The following NREP variants were observed in gnomAD, a reference collection of about 807,000 sequenced individuals.
NREP encodes the protein neuronal regeneration-related protein.
In NREP, 5 loss-of-function variants were observed where a neutral mutation model predicts 8.6. The ratio of observed to expected loss-of-function variants is 0.58; its 90% confidence interval spans 0.30 to 1.22. NREP has a LOEUF of 1.22. Among genes scored for constraint, NREP ranks in the 50% most tolerant of loss-of-function variants. The probability of loss-of-function intolerance (pLI) is 0.07; values close to 1 mark genes in which losing one functional copy is unlikely to be tolerated. For missense variants in NREP, 86 were observed against 82.5 expected, an observed-to-expected ratio of 1.04 and a Z score of -0.17; for synonymous variants, 27 against 28.0, an observed-to-expected ratio of 0.96 and a Z score of 0.11.
At chr5:111,918,764 G>T (rs769743128) in intron 2 of NREP, among the ~76,000 whole-genome samples, 9 of 152,262 alleles carry the variant, frequency 5.9e-5, no homozygotes, top group Non-Finnish European at 1.3e-4. Flanking sequence ...AGCCCTAGAA[G>T]AAAACCTACG....
At chr5:111,865,841 A>G (rs1298922030) in intron 2 of NREP, among the ~76,000 whole-genome samples, 1 of 152,172 alleles carries the variant, frequency 6.6e-6, no homozygotes. Context: ...CCCCAGACTT[A>G]CTTCCAAGTC....
chr5:111,762,120 G>C (rs894779026), upstream of NREP, among the ~76,000 whole-genome samples: 8 of 152,104 alleles, frequency 5.3e-5, no homozygotes, highest in African/African-American at 1.9e-4. Flanking sequence ...AAGAGGGAAG[G>C]AGTCAAGTTG....
intron 2 of NREP, among the ~76,000 whole-genome samples, chr5:111,742,547 TAAG>T (rs933522939): frequency 1.3e-5 from 2 of 152,068 alleles, no homozygotes; most frequent in African/African-American, 4.8e-5. Context: ...ATTTCATTTC[TAAG>T]AATAATAGCA....
At chr5:111,757,688 C>A (rs1431724489), upstream of NREP, 11 of 983,982 alleles carry the variant, frequency 1.1e-5, no homozygotes, top group African/African-American at 1.8e-5. Flanking sequence ...GCGCGGCGCC[C>A]CGGGGAGACA....
chr5:111,826,585 C>G (rs1039051264), intron 2 of NREP, among the ~76,000 whole-genome samples: 1 of 152,150 alleles, frequency 6.6e-6, no homozygotes, highest in East Asian at 1.9e-4. Context: ...ACTTTAACAC[C>G]GCAGGGGTCC....
intron 2 of NREP, among the ~76,000 whole-genome samples, chr5:111,865,632 G>C (rs1035019872): frequency 2.0e-5 from 3 of 152,106 alleles, no homozygotes; most frequent in Non-Finnish European, 4.4e-5. Flanking sequence ...GCAATAAATA[G>C]TTATGACTTA....
chr5:111,803,678 T>C (rs1009081257), intron 2 of NREP, among the ~76,000 whole-genome samples: 3 of 152,212 alleles, frequency 2.0e-5, no homozygotes, highest in African/African-American at 7.2e-5. Context: ...TTTAGCATAA[T>C]TGATAGTCCT....
intron 2 of NREP, among the ~76,000 whole-genome samples, chr5:111,876,263 AT>A (rs1161224076): frequency 6.6e-6 from 1 of 152,160 alleles, no homozygotes; most frequent in African/African-American, 2.4e-5. Context: ...TTAGAAAAAA[AT>A]AATTTCTAGG....
At chr5:111,845,001 A>G (rs1269466503) in intron 2 of NREP, among the ~76,000 whole-genome samples, 1 of 152,096 alleles carries the variant, frequency 6.6e-6, no homozygotes, top group Non-Finnish European at 1.5e-5. Flanking sequence ...CTGATGCAGA[A>G]CTGGTCTCTG....
At chr5:111,946,548 T>C (rs1345040750) in intron 2 of NREP, among the ~76,000 whole-genome samples, 1 of 152,014 alleles carries the variant, frequency 6.6e-6, no homozygotes, top group African/African-American at 2.4e-5. Context: ...ATTTGTCACA[T>C]GGGATTGGTC....
chr5:111,782,021 C>T (rs1355467324), intron 2 of NREP, among the ~76,000 whole-genome samples: 3 of 152,224 alleles, frequency 2.0e-5, no homozygotes, highest in Middle Eastern at 3.4e-3. Context: ...TAAGGATTTA[C>T]AGAGAAAATG....
chr5:111,829,818 TTTTTAAAC>T (rs1752720062), intron 2 of NREP, among the ~76,000 whole-genome samples: 1 of 152,184 alleles, frequency 6.6e-6, no homozygotes, highest in Admixed American at 6.5e-5. Context: ...CATTCCTAGC[TTTTTAAAC>T]TCAATGACTT....
At chr5:111,757,706 C>G, upstream of NREP, 1 of 984,570 alleles carries the variant, frequency 1.0e-6, no homozygotes, top group Non-Finnish European at 1.2e-6. Flanking sequence ...ACAAAGCGGA[C>G]CCGCAGCTCT....
At chr5:111,963,785 G>T (rs2112657691) in intron 2 of NREP, among the ~76,000 whole-genome samples, 1 of 152,334 alleles carries the variant, frequency 6.6e-6, no homozygotes, top group South Asian at 2.1e-4. Context: ...CAGAAACTGA[G>T]CCTTTGGTAG....
At chr5:111,849,191 C>T (rs963695028) in intron 2 of NREP, among the ~76,000 whole-genome samples, 2 of 152,104 alleles carry the variant, frequency 1.3e-5, no homozygotes, top group Admixed American at 1.3e-4. Context: ...TGAAAGCACC[C>T]TGGTAGACAT....
intron 2 of NREP, among the ~76,000 whole-genome samples, chr5:111,932,722 G>A (rs1464328283): frequency 1.3e-5 from 2 of 151,948 alleles, no homozygotes; most frequent in Non-Finnish European, 2.9e-5. Context: ...TGGTATATAA[G>A]ACCCTGAATT....
At chr5:111,771,464 CAT>C (rs1162028472) in intron 2 of NREP, among the ~76,000 whole-genome samples, 22 of 147,378 alleles carry the variant, frequency 1.5e-4, no homozygotes, top group South Asian at 1.3e-3. Flanking sequence ...CACACACACA[CAT>C]ATGCACACTT....
At chr5:111,818,017 C>G (rs1752433841) in intron 2 of NREP, among the ~76,000 whole-genome samples, 1 of 152,016 alleles carries the variant, frequency 6.6e-6, no homozygotes, top group African/African-American at 2.4e-5. Context: ...AGTCAAATAT[C>G]AGAAATTCCA....
chr5:111,761,891 AT>A (rs1328299915), upstream of NREP, among the ~76,000 whole-genome samples: 3 of 152,234 alleles, frequency 2.0e-5, no homozygotes, highest in Non-Finnish European at 4.4e-5. Context: ...TGTGAATGCT[AT>A]TCTTAAAGTA....
Sources: allele counts gnomAD v4.1 joint callset (sites outside exome capture counted in the v4.1 genomes callset), GRCh38; gene constraint gnomAD v4.1.1; transcripts MANE v1.5; gene names NCBI Gene and HGNC (gene_info 2026-07-23, HGNC 2026-07-21).